Variants in CHD9 observed in about 807,000 individuals in gnomAD.
CHD9 encodes chromodomain helicase DNA binding protein 9.
CHD9 carries 77 observed loss-of-function variants against 316.1 expected under a neutral mutation model. The observed-to-expected ratio is 0.24, with a 90% CI of 0.20 to 0.29. The LOEUF is 0.29. Among genes scored for constraint, CHD9 ranks in the 10% least tolerant of loss-of-function variants. The probability of loss-of-function intolerance (pLI) is 1.00; values close to 1 mark genes in which losing one functional copy is unlikely to be tolerated. For missense variants in CHD9, 2,763 were observed against 3,438.1 expected, an observed-to-expected ratio of 0.80 and a Z score of 4.91; for synonymous variants, 1,129 against 1,158.3, an observed-to-expected ratio of 0.97 and a Z score of 0.51.
At chr16:53,079,359 C>T (rs1307259075) in intron 1 of CHD9, among the ~76,000 whole-genome samples, 1 of 152,180 alleles carries the variant, frequency 6.6e-6, no homozygotes, top group Non-Finnish European at 1.5e-5. Flanking sequence ...TTGGATTGAA[C>T]CAATGACTTA....
Position 53,324,812 on chromosome 16 carries a change from G to A in CHD9, c.8611G>A (p.Gly2871Ser), listed in dbSNP as rs373129879. Reference sequence around the variant, plus strand: ...TCTCAATGAAAACAGCACAGATGAGGGTTCAGAGAAAGCTGATGCTTCATC... The same window carrying A: ...TCTCAATGAAAACAGCACAGATGAGAGTTCAGAGAAAGCTGATGCTTCATC... ...SPLNENSTDE[G>S]SEKADASSGS... The change falls in exon 39 of 39, where the codon GGT becomes AGT. Residue 2871 changes from glycine to serine, a missense_variant. Around this residue, in one of 15 missense-constraint regions of CHD9, gnomAD observed 298 missense variants for 380.2 expected, o/e 0.78. Transcript: ENST00000447540. The A allele has an allele frequency of 5.6e-6, 9 of 1,612,870 alleles. No homozygotes were observed. The South Asian group carries it at 7.7e-5, about 14-fold the overall frequency.
intron 29 of CHD9, among the ~76,000 whole-genome samples, chr16:53,294,216 A>G (rs1177430087): frequency 1.3e-5 from 2 of 152,188 alleles, no homozygotes; most frequent in Non-Finnish European, 1.5e-5. Flanking sequence ...AAGAATAGCT[A>G]TCTTTGGCAT....
chr16:53,280,323 A>G (rs1485323394), intron 24 of CHD9, among the ~76,000 whole-genome samples: 2 of 152,200 alleles, frequency 1.3e-5, no homozygotes, highest in African/African-American at 4.8e-5. Context: ...ATATATGTAT[A>G]TATGATGGAA....
intron 1 of CHD9, among the ~76,000 whole-genome samples, chr16:53,061,800 G>A (rs2032937873): frequency 2.0e-5 from 3 of 152,210 alleles, no homozygotes; most frequent in Admixed American, 2.0e-4. Flanking sequence ...GGAAATGTCT[G>A]CAGGTAACCT....
chr16:53,183,180 G>A (rs963970075), intron 2 of CHD9, among the ~76,000 whole-genome samples: 1 of 152,170 alleles, frequency 6.6e-6, no homozygotes, highest in African/African-American at 2.4e-5. Flanking sequence ...GTAGAAGGTA[G>A]TATATAAACA....
Position 53,324,260 on chromosome 16 carries a change from G to GT in CHD9, c.8060dup (p.Thr2688AsnfsTer18). ...CCTACAAAACTTGCAGTCACTGCAA[G>GT]TAACTGCTGGGTTGATGGGAATGCC... On this transcript the variant is annotated frameshift_variant, in exon 39 of 39. Transcript: ENST00000447540. LOFTEE classifies it high-confidence loss of function. The GT allele has an allele frequency of 6.2e-7, 1 of 1,613,998 alleles. No individual in the cohort carries two copies.
chr16:53,162,260 G>A (rs1312528275), intron 2 of CHD9, among the ~76,000 whole-genome samples: 2 of 152,128 alleles, frequency 1.3e-5, no homozygotes, highest in African/African-American at 2.4e-5. Context: ...AGGGTTGTTG[G>A]GAGGAGGAAG....
At position 53,293,549 on chromosome 16, in the gene CHD9, C is replaced by T. The variant is rs188473952; in HGVS notation, c.5510+497C>T. Among the ~76,000 whole-genome samples, 16 of 152,126 alleles carry T rather than the reference C, an allele frequency of 1.1e-4. No homozygotes were observed. The East Asian group carries it at 2.7e-3, about 26-fold the overall frequency. Reference sequence around the variant, plus strand: ...GAGTATCACCTGAGCCCAGAAGGTCCGTGCTGCAGTGAGATGTGATTGTAC... The same window carrying T: ...GAGTATCACCTGAGCCCAGAAGGTCTGTGCTGCAGTGAGATGTGATTGTAC... On this transcript the variant is annotated intron_variant, in intron 29 of 38. Transcript: ENST00000447540.
intron 7 of CHD9, 76 bp from the exon 8 acceptor site, chr16:53,228,907 G>T: frequency 3.1e-6 from 2 of 652,474 alleles, no homozygotes; most frequent in South Asian, 2.5e-5. Context: ...AGTTTATATT[G>T]GATGTTATGA....
At chr16:53,117,509 G>A (rs749403906) in intron 1 of CHD9, among the ~76,000 whole-genome samples, 4 of 151,994 alleles carry the variant, frequency 2.6e-5, no homozygotes, top group Middle Eastern at 3.4e-3. Context: ...CTGCCTCCTG[G>A]GTTCAAGTGA....
At chr16:53,213,349 A>G (rs909893556) in intron 3 of CHD9, among the ~76,000 whole-genome samples, 4 of 152,116 alleles carry the variant, frequency 2.6e-5, no homozygotes, top group Admixed American at 6.5e-5. Flanking sequence ...GTTTTTTATG[A>G]TCTTGGCAGT....
intron 22 of CHD9, 33 bp from the exon 23 acceptor site, chr16:53,273,593 T>G: frequency 6.7e-7 from 1 of 1,486,652 alleles, no homozygotes; most frequent in Non-Finnish European, 9.0e-7. Context: ...TTTATACAAA[T>G]TATTCCTAAT....
At position 53,314,905 on chromosome 16, in the gene CHD9, A is replaced by G; in HGVS notation, c.7445A>G (p.Asp2482Gly). 1 of 1,613,698 alleles carries G rather than the reference A, an allele frequency of 6.2e-7. No individual in the cohort carries two copies. Among genetic ancestry groups the G allele is most frequent in the East Asian group, 2.2e-5 (1 of 44,850 alleles). ...TATACTCAACCTCAAGGAATTCCTG[A>G]TACAGAAAGTCCAGTTCCAGTTATT... ...LSYTQPQGIP[D>G]TESPVPVINL... Residue 2482 changes from aspartate (D) to glycine (G), a missense_variant, in exon 36 of 39, where the codon GAT becomes GGT. Transcript: ENST00000447540.
chr16:53,091,121 G>T (rs73594466), intron 1 of CHD9, among the ~76,000 whole-genome samples: 7,328 of 152,078 alleles, frequency 0.048, 588 homozygotes, highest in African/African-American at 0.17. Flanking sequence ...GCTGGTTGGC[G>T]CTGACTCCAT....
intron 27 of CHD9, among the ~76,000 whole-genome samples, chr16:53,290,632 T>TA (rs992444917): frequency 6.6e-6 from 1 of 150,774 alleles, no homozygotes; most frequent in African/African-American, 2.4e-5. Flanking sequence ...CTACAACAAA[T>TA]AAAAAAAAGA....
intron 38 of CHD9, among the ~76,000 whole-genome samples, chr16:53,323,166 CTT>C (rs2057382352): frequency 1.3e-5 from 2 of 151,576 alleles, no homozygotes; most frequent in Non-Finnish European, 2.9e-5. Context: ...ATTTTGAACA[CTT>C]TGTTGGAAAA....
chr16:53,290,349 T>A (rs2054228084), intron 27 of CHD9, among the ~76,000 whole-genome samples: 1 of 152,156 alleles, frequency 6.6e-6, no homozygotes, highest in African/African-American at 2.4e-5. Flanking sequence ...ATGGAGGTGA[T>A]CACCAGAATT....
At chr16:53,136,375 T>C (rs894035786) in intron 1 of CHD9, among the ~76,000 whole-genome samples, 2 of 152,146 alleles carry the variant, frequency 1.3e-5, no homozygotes, top group Non-Finnish European at 2.9e-5. Flanking sequence ...TTCAATTTTA[T>C]TCTATTGGAA....
intron 1 of CHD9, among the ~76,000 whole-genome samples, chr16:53,148,117 G>A (rs2040784674): frequency 6.6e-6 from 1 of 152,118 alleles, no homozygotes; most frequent in African/African-American, 2.4e-5. Flanking sequence ...TGAGGTAGGA[G>A]AATCGTTTGA....
Sources: gnomAD v4.1 joint callset for allele counts (sites outside exome capture counted in the v4.1 genomes callset) on GRCh38, gnomAD v4.1.1 for gene constraint, gnomAD v4.1.1 regional missense constraint, MANE v1.5 for transcripts, NCBI Gene and HGNC (gene_info 2026-07-23, HGNC 2026-07-21) for gene names.